BCAS4: variants seen among roughly 807,000 people sequenced by gnomAD.
BCAS4 encodes the protein breast carcinoma amplified sequence 4, also known as breast carcinoma-amplified sequence 4.
A neutral mutation model predicts 15.7 loss-of-function variants in BCAS4; 9 were observed. The ratio of observed to expected loss-of-function variants is 0.57; its 90% CI spans 0.34 to 1.00. BCAS4 has a LOEUF of 1.00. Among genes scored for constraint, BCAS4 ranks in the 50% least tolerant of loss-of-function variants. The pLI, the probability that BCAS4 is intolerant of heterozygous loss-of-function variation, is 0.02. For missense variants in BCAS4, 225 were observed against 239.1 expected (o/e 0.94, Z 0.39); for synonymous variants, 101 against 99.5 (o/e 1.02, Z -0.09).
chr20:50,881,376 A>G (rs1202907684), downstream of BCAS4: 2 of 152,248 alleles, frequency 1.3e-5, no homozygotes, highest in African/African-American at 4.8e-5. Flanking sequence ...AACTCAACCA[A>G]AAAATCCCAA....
At chr20:50,869,995 T>C (rs1056528381) in intron 4 of BCAS4, among the ~76,000 whole-genome samples, 1 of 152,170 alleles carries the variant, frequency 6.6e-6, no homozygotes, top group Non-Finnish European at 1.5e-5. Flanking sequence ...GTGATCTGCC[T>C]GCCTCAGCTT....
chr20:50,817,763 T>C (rs2088158458), intron 1 of BCAS4, among the ~76,000 whole-genome samples: 2 of 152,012 alleles, frequency 1.3e-5, no homozygotes, highest in Admixed American at 1.3e-4. Flanking sequence ...GCAGCTTGCT[T>C]TTCCTCTCCG....
downstream of BCAS4, chr20:50,880,904 C>A (rs937501852): frequency 6.6e-6 from 1 of 152,124 alleles, no homozygotes; most frequent in Admixed American, 6.5e-5. Context: ...ACTCAGCACA[C>A]CTGGATTGTA....
chr20:50,801,974 G>A (rs976095935), intron 1 of BCAS4, among the ~76,000 whole-genome samples: 1 of 151,968 alleles, frequency 6.6e-6, no homozygotes, highest in Non-Finnish European at 1.5e-5. Context: ...GGCCACACCA[G>A]GGCCTGGGTC....
At chr20:50,829,299 A>G (rs2088314995) in intron 2 of BCAS4, among the ~76,000 whole-genome samples, 1 of 151,868 alleles carries the variant, frequency 6.6e-6, no homozygotes. Flanking sequence ...CTGGAGTGCA[A>G]TGGCTTGATC....
At chr20:50,812,252 C>A (rs1160997748) in intron 1 of BCAS4, among the ~76,000 whole-genome samples, 1 of 151,816 alleles carries the variant, frequency 6.6e-6, no homozygotes, top group Admixed American at 6.6e-5. Flanking sequence ...CCTGCCTCAG[C>A]CTCCCGAGTA....
Position 50,830,330 on chromosome 20 carries a change from G to C in BCAS4, c.214G>C (p.Ala72Pro). The C allele has an allele frequency of 6.2e-7, 1 of 1,614,064 alleles. No homozygotes were observed. The highest frequency in any genetic ancestry group is 1.1e-5 in the South Asian group (1 of 91,032). ...GGAGGAAAACATCCCAGTCCTTAAG[G>C]CCAAACTGACAGAAATGCGTGGCAT... The part of the protein sequence containing the change: ...ILEENIPVLK[A>P]KLTEMRGIYA... Residue 72 changes from alanine to proline, a missense_variant, in exon 3 of 5, where the codon GCC becomes CCC. Ala to Pro is a conservative substitution (Grantham distance 27). Coordinates refer to ENST00000371608, the MANE Select transcript of BCAS4 (RefSeq NM_198799.4).
At chr20:50,844,883 G>T (rs1028091052) in intron 4 of BCAS4, among the ~76,000 whole-genome samples, 2 of 152,124 alleles carry the variant, frequency 1.3e-5, no homozygotes, top group African/African-American at 4.8e-5. Flanking sequence ...TCCTGGCCAG[G>T]GGTGGGTGAG....
intron 4 of BCAS4, among the ~76,000 whole-genome samples, chr20:50,861,051 C>A (rs1356496405): frequency 6.6e-6 from 1 of 150,648 alleles, no homozygotes; most frequent in Non-Finnish European, 1.5e-5. Context: ...ACAGGATTTG[C>A]TGGGGTGGTC....
chr20:50,804,349 T>C (rs2087964918), intron 1 of BCAS4, among the ~76,000 whole-genome samples: 1 of 152,174 alleles, frequency 6.6e-6, no homozygotes, highest in South Asian at 2.1e-4. Flanking sequence ...TCATGCTTTT[T>C]TCACTCATGT....
At position 50,873,995 on chromosome 20, in the gene BCAS4, G is replaced by T. The variant is rs565668974; in HGVS notation, c.400-2491G>T. 3.3e-5 allele frequency among the ~76,000 whole-genome samples: 5 copies of T among 152,242 alleles called. No individual in the cohort carries two copies. The East Asian group carries it at 7.7e-4, about 24-fold the overall frequency. ...TGCAACAGGCTCGGTGTGATGTGGT[G>T]GTAAGTCAAGGCCCTGGAGCCCAGA... On this transcript the variant is annotated intron_variant, in intron 4 of 4. Transcript: ENST00000371608.
intron 4 of BCAS4, among the ~76,000 whole-genome samples, chr20:50,857,289 A>AATG (rs1978814549): frequency 2.6e-5 from 4 of 151,984 alleles, no homozygotes; most frequent in African/African-American, 4.8e-5. Context: ...GCGCCACCAC[A>AATG]CCTGGCTAAT....
At chr20:50,828,024 G>A (rs1003624932) in intron 2 of BCAS4, among the ~76,000 whole-genome samples, 6 of 152,146 alleles carry the variant, frequency 3.9e-5, no homozygotes, top group South Asian at 2.1e-4. Flanking sequence ...CACTGTGCCC[G>A]GCCTTCAAAA....
downstream of BCAS4, chr20:50,880,930 T>C (rs1980106479): frequency 6.6e-6 from 1 of 152,158 alleles, no homozygotes; most frequent in East Asian, 1.9e-4. Flanking sequence ...ATTAGGAGCT[T>C]AATGTATAAA....
intron 1 of BCAS4, among the ~76,000 whole-genome samples, chr20:50,799,715 G>T (rs1364682071): frequency 6.6e-6 from 1 of 152,186 alleles, no homozygotes; most frequent in African/African-American, 2.4e-5. Flanking sequence ...GACGCCACAG[G>T]CAGTGAGACA....
intron 1 of BCAS4, among the ~76,000 whole-genome samples, chr20:50,816,238 C>T (rs1006136008): frequency 6.6e-6 from 1 of 152,114 alleles, no homozygotes; most frequent in African/African-American, 2.4e-5. Context: ...GTTGGTCAGG[C>T]TGGTCTCGAA....
intron 4 of BCAS4, chr20:50,876,176 C>G (rs920746394): frequency 1.8e-5 from 7 of 390,352 alleles, no homozygotes; most frequent in Non-Finnish European, 3.5e-5. Context: ...GCCTCAAACT[C>G]TTGACCTCAA....
intron 4 of BCAS4, among the ~76,000 whole-genome samples, chr20:50,856,284 A>G (rs868858349): frequency 6.6e-6 from 1 of 152,162 alleles, no homozygotes; most frequent in Non-Finnish European, 1.5e-5. Flanking sequence ...TTCCTGGTCA[A>G]CTTTCTGCTG....
intron 1 of BCAS4, among the ~76,000 whole-genome samples, chr20:50,806,757 A>G (rs2123755141): frequency 6.6e-6 from 1 of 150,982 alleles, no homozygotes; most frequent in East Asian, 2.0e-4. Context: ...GGGGTACATG[A>G]GATGTTTTGA....
Sources: allele counts gnomAD v4.1 joint callset (sites outside exome capture counted in the v4.1 genomes callset), GRCh38; gene constraint gnomAD v4.1.1; transcripts MANE v1.5; gene names NCBI Gene and HGNC (gene_info 2026-07-23, HGNC 2026-07-21).